KATNAL2: variants seen among roughly 807,000 people sequenced by gnomAD.
KATNAL2 encodes katanin p60 ATPase-containing subunit A-like 2.
A neutral mutation model predicts 76.3 loss-of-function variants in KATNAL2; 52 were observed. That is an observed-to-expected ratio of 0.68 (90% CI 0.55 to 0.86). The LOEUF (loss-of-function observed/expected upper bound fraction) is 0.86, where lower values mean the gene tolerates loss of function less well. KATNAL2 is among the 40% of genes least tolerant of loss of function. KATNAL2 has a pLI of 0.00. For missense variants in KATNAL2, 660 were observed against 668.9 expected (o/e 0.99, Z 0.15); for synonymous variants, 243 against 244.2 (o/e 1.00, Z 0.05).
chr18:47,025,035 C>T (rs1215785661), intron 3 of KATNAL2, among the ~76,000 whole-genome samples: 1 of 113,642 alleles, frequency 8.8e-6, no homozygotes, highest in Non-Finnish European at 1.9e-5. Context: ...GCTCTGCTAG[C>T]GAGCAGATGT....
At chr18:46,939,194 G>T (rs1219535938) in intron 1 of KATNAL2, among the ~76,000 whole-genome samples, 1 of 152,026 alleles carries the variant, frequency 6.6e-6, no homozygotes, top group Non-Finnish European at 1.5e-5. Context: ...ACAAAAATTA[G>T]CTGAGTGTGG....
intron 3 of KATNAL2, among the ~76,000 whole-genome samples, chr18:46,948,593 T>C (rs949031743): frequency 5.3e-5 from 8 of 151,874 alleles, no homozygotes; most frequent in Non-Finnish European, 7.4e-5. Context: ...CCCAGCTAAT[T>C]TGTTTGTTTG....
At chr18:47,084,261 G>GTA in intron 15 of KATNAL2, 1 of 689,464 alleles carries the variant, frequency 1.5e-6, no homozygotes, top group Admixed American at 2.0e-5. Context: ...TCCTGCTGGT[G>GTA]TAACATTGCT....
chr18:46,934,096 C>T (rs985745110), intron 1 of KATNAL2, among the ~76,000 whole-genome samples: 14 of 151,998 alleles, frequency 9.2e-5, no homozygotes, highest in Non-Finnish European at 1.9e-4. Flanking sequence ...TGAATAGTGC[C>T]GCTATAAACA....
chr18:47,034,666 G>C (rs780435105), intron 3 of KATNAL2: 4 of 1,613,562 alleles, frequency 2.5e-6, no homozygotes, highest in Non-Finnish European at 3.4e-6. Context: ...GCCCTGAGCC[G>C]CGTGAGTGTG....
intron 5 of KATNAL2, among the ~76,000 whole-genome samples, chr18:47,053,624 G>A (rs1315194370): frequency 1.3e-5 from 2 of 152,190 alleles, no homozygotes; most frequent in African/African-American, 4.8e-5. Flanking sequence ...TCTGTAAGTG[G>A]GGGAAGTAAT....
chr18:46,947,405 C>A (rs575623081), intron 3 of KATNAL2, among the ~76,000 whole-genome samples: 5 of 152,260 alleles, frequency 3.3e-5, no homozygotes, highest in African/African-American at 1.2e-4. Flanking sequence ...ATCTGAAAGT[C>A]AGGGAATTGG....
At chr18:47,076,725 ATAAT>A (rs369081668) in intron 14 of KATNAL2, 1 of 150,910 alleles carries the variant, frequency 6.6e-6, no homozygotes, top group East Asian at 1.9e-4. Context: ...TGGGCAAATG[ATAAT>A]TAAACATATA....
intron 3 of KATNAL2, among the ~76,000 whole-genome samples, chr18:47,032,400 A>C (rs2060510641): frequency 6.6e-6 from 1 of 152,194 alleles, no homozygotes; most frequent in Admixed American, 6.5e-5. Context: ...GGACCGTGCC[A>C]CCATGCCAGG....
At chr18:47,077,897 A>G (rs1012129085) in intron 15 of KATNAL2, among the ~76,000 whole-genome samples, 4 of 152,190 alleles carry the variant, frequency 2.6e-5, no homozygotes, top group African/African-American at 9.7e-5. Flanking sequence ...AAAGGTAAAT[A>G]ATCTCTAATG....
chr18:47,062,833 T>A (rs1382129247), intron 8 of KATNAL2, 139 bp from the exon 9 acceptor site: 1 of 570,308 alleles, frequency 1.8e-6, no homozygotes. Context: ...ATACTAGTGC[T>A]GGTTCTTTTT....
chr18:47,031,869 T>C (rs2060475529), intron 3 of KATNAL2, among the ~76,000 whole-genome samples: 1 of 152,168 alleles, frequency 6.6e-6, no homozygotes, highest in Non-Finnish European at 1.5e-5. Flanking sequence ...TATCCCTTTG[T>C]CTCCATCCTG....
chr18:46,920,695 T>C lies in KATNAL2; in HGVS notation c.-510+2769T>C, dbSNP rs541705303. Among the ~76,000 whole-genome samples, 111 of 152,316 alleles carry C rather than the reference T, an allele frequency of 7.3e-4. 2 individuals are homozygous for C. Among genetic ancestry groups the C allele is most frequent in the African/African-American group, 2.6e-3 (109 of 41,574 alleles). ...TATGTTCAAAGGAATGGCTGAGTGG[T>C]AAAGGGTAGAAAGGGCATGTTTCTC... On this transcript the variant is annotated intron_variant, in intron 1 of 17. Coordinates refer to ENST00000683218, the MANE Select transcript of KATNAL2 (RefSeq NM_001387690.1).
chr18:47,045,196 T>C (rs1005489197), intron 3 of KATNAL2, among the ~76,000 whole-genome samples: 8 of 152,186 alleles, frequency 5.3e-5, no homozygotes, highest in Admixed American at 4.6e-4. Flanking sequence ...AAAAATTTAG[T>C]ATTATTTGAT....
chr18:47,062,588 T>C (rs1360426772), intron 8 of KATNAL2, among the ~76,000 whole-genome samples: 1 of 152,194 alleles, frequency 6.6e-6, no homozygotes, highest in African/African-American at 2.4e-5. Context: ...TGAACGTGTA[T>C]CACAATCCAT....
At chr18:46,949,649 A>C (rs915907533) in intron 3 of KATNAL2, among the ~76,000 whole-genome samples, 3 of 152,184 alleles carry the variant, frequency 2.0e-5, no homozygotes, top group Admixed American at 6.6e-5. Context: ...CCGATTGCTC[A>C]AATCGTAATT....
chr18:46,933,429 A>G (rs1374634833), intron 1 of KATNAL2, among the ~76,000 whole-genome samples: 2 of 152,166 alleles, frequency 1.3e-5, no homozygotes, highest in Non-Finnish European at 1.5e-5. Context: ...TCCATATTTA[A>G]TATGAGGCCC....
At chr18:47,057,684 G>A (rs2061509927) in intron 6 of KATNAL2, among the ~76,000 whole-genome samples, 1 of 152,196 alleles carries the variant, frequency 6.6e-6, no homozygotes, top group South Asian at 2.1e-4. Flanking sequence ...CAACATTGAT[G>A]AAGGGAAGTT....
At chr18:47,096,264 C>G (rs1235945345) in intron 15 of KATNAL2, among the ~76,000 whole-genome samples, 19 of 152,274 alleles carry the variant, frequency 1.2e-4, no homozygotes, top group Admixed American at 1.2e-3. Flanking sequence ...AATGGGAAGA[C>G]AGTTTAGATA....
Sources: allele counts gnomAD v4.1 joint callset (sites outside exome capture counted in the v4.1 genomes callset), GRCh38; gene constraint gnomAD v4.1.1; transcripts MANE v1.5; gene names NCBI Gene and HGNC (gene_info 2026-07-23, HGNC 2026-07-21).